The following PHF20 variants were observed in gnomAD, a reference collection of about 807,000 sequenced individuals.
PHF20 encodes the protein PHD finger protein 20.
PHF20 carries 23 observed loss-of-function variants against 113.5 expected under a neutral mutation model. The observed-to-expected ratio is 0.20, with a 90% CI of 0.15 to 0.29. The LOEUF is 0.29. Ranked by LOEUF, PHF20 falls within the 10% of genes least tolerant of loss-of-function variation. The pLI, the probability that PHF20 is intolerant of heterozygous loss-of-function variation, is 1.00. For missense variants in PHF20, 943 were observed against 1,219.6 expected, an observed-to-expected ratio of 0.77 and a Z score of 3.38; for synonymous variants, 434 against 457.3, an observed-to-expected ratio of 0.95 and a Z score of 0.65.
intron 2 of PHF20, among the ~76,000 whole-genome samples, chr20:35,807,887 TC>T (rs1340055701): frequency 6.6e-6 from 1 of 151,962 alleles, no homozygotes; most frequent in African/African-American, 2.4e-5. Flanking sequence ...TTTTAAGAGT[TC>T]TTATTTCTTA....
chr20:35,810,043 C>CTTCA (rs770738083), intron 2 of PHF20, among the ~76,000 whole-genome samples: 154 of 152,088 alleles, frequency 1.0e-3, no homozygotes, highest in Middle Eastern at 3.2e-3. Context: ...GATTCTTCTG[C>CTTCA]TTCAGCCTCC....
At chr20:35,906,247 A>G (rs2055198888) in intron 10 of PHF20, among the ~76,000 whole-genome samples, 1 of 152,202 alleles carries the variant, frequency 6.6e-6, no homozygotes, top group Non-Finnish European at 1.5e-5. Context: ...GCCTTATCGC[A>G]GGAACATGTC....
Position 35,872,354 on chromosome 20 carries a change from C to T in PHF20, c.1282+525C>T, listed in dbSNP as rs1317277929. Among the ~76,000 whole-genome samples, 4 of 152,074 alleles carry T rather than the reference C, an allele frequency of 2.6e-5. No homozygotes were observed. In the East Asian group the frequency reaches 7.7e-4, roughly 29 times the overall value. ...CCTGGCCAGCATGGTGAAACCCCGA[C>T]TCTACTAAAAATACAAAAATTAGCT... On this transcript the variant is annotated intron_variant, in intron 9 of 17. Transcript: ENST00000374012.
intron 10 of PHF20, 112 bp from the exon 11 acceptor site, chr20:35,913,137 C>T: frequency 2.9e-6 from 2 of 696,150 alleles, no homozygotes; most frequent in Non-Finnish European, 5.0e-6. Flanking sequence ...CAATCTGCTC[C>T]AGACTTCCCA....
At chr20:35,858,711 T>C (rs912358075) in intron 5 of PHF20, among the ~76,000 whole-genome samples, 1 of 152,156 alleles carries the variant, frequency 6.6e-6, no homozygotes, top group Non-Finnish European at 1.5e-5. Flanking sequence ...GCTGGGATTA[T>C]AGGCGCACGC....
chr20:35,804,035 C>T lies in PHF20; in HGVS notation c.83+2430C>T, dbSNP rs142729939. 1.7e-3 allele frequency among the ~76,000 whole-genome samples: 258 copies of T among 151,558 alleles called. 1 individual carries two copies. The highest frequency in any genetic ancestry group is 6.0e-3 in the African/African-American group (248 of 41,296). Reference sequence around the variant, plus strand: ...ATAGAGTTTTATTGTATGAATATACCACATTTTGTTTATCTAGTCCCCTAC... The same window carrying T: ...ATAGAGTTTTATTGTATGAATATACTACATTTTGTTTATCTAGTCCCCTAC... On this transcript the variant is annotated intron_variant, in intron 2 of 17. Transcript: ENST00000374012.
chr20:35,852,896 C>T (rs2042761926), intron 4 of PHF20, among the ~76,000 whole-genome samples: 1 of 151,484 alleles, frequency 6.6e-6, no homozygotes, highest in Non-Finnish European at 1.5e-5. Context: ...CGTGCCCGAC[C>T]TGACTAATCT....
At chr20:35,882,421 T>G (rs1481022645) in intron 9 of PHF20, among the ~76,000 whole-genome samples, 2 of 152,208 alleles carry the variant, frequency 1.3e-5, no homozygotes, top group East Asian at 1.9e-4. Context: ...TAATATTTAT[T>G]TATGTATTCA....
rs867618310 is a variant in PHF20 at position 35,886,368 on chromosome 20, C to T, written c.1283-13002C>T. ...CTTGAACTCTTGACCTCAAGTGATC[C>T]GCCTGCCTCACCCTCCCAAAGTGTT... On this transcript the variant is annotated intron_variant, in intron 9 of 17. Coordinates refer to ENST00000374012, the MANE Select transcript of PHF20 (RefSeq NM_016436.5). Among the ~76,000 whole-genome samples the T allele has an allele frequency of 4.6e-5, 7 of 151,950 alleles. No individual in the cohort carries two copies. In the South Asian group the frequency reaches 6.2e-4, roughly 14 times the overall value.
chr20:35,903,751 C>T (rs2055147471), intron 10 of PHF20, among the ~76,000 whole-genome samples: 2 of 152,138 alleles, frequency 1.3e-5, no homozygotes, highest in Non-Finnish European at 1.5e-5. Flanking sequence ...GCAAGAGCCT[C>T]GGTATTATCA....
At chr20:35,772,791 C>A (rs953068014) in intron 1 of PHF20, among the ~76,000 whole-genome samples, 5 of 152,106 alleles carry the variant, frequency 3.3e-5, no homozygotes, top group African/African-American at 1.2e-4. Flanking sequence ...GTCCTCAGAT[C>A]TGGGGTCCAT....
At chr20:35,850,643 A>T (rs1600824407) in intron 4 of PHF20, 1 of 107,208 alleles carries the variant, frequency 9.3e-6, no homozygotes. Flanking sequence ...GCTGTTTTTT[A>T]AACAATTCAT....
intron 9 of PHF20, among the ~76,000 whole-genome samples, chr20:35,873,001 G>C (rs993083615): frequency 4.0e-5 from 6 of 151,838 alleles, no homozygotes; most frequent in African/African-American, 1.5e-4. Flanking sequence ...AGGTTGTTAG[G>C]TTGTTAAAAT....
At chr20:35,938,257 T>C (rs919176430) in intron 15 of PHF20, among the ~76,000 whole-genome samples, 1 of 152,188 alleles carries the variant, frequency 6.6e-6, no homozygotes, top group Non-Finnish European at 1.5e-5. Context: ...CTTCCCATCA[T>C]GGCCTGAACT....
chr20:35,896,282 C>A (rs1317192426), intron 9 of PHF20, among the ~76,000 whole-genome samples: 2 of 152,066 alleles, frequency 1.3e-5, no homozygotes, highest in Admixed American at 6.6e-5. Context: ...AAAGGTTTAA[C>A]AGGCTACCTG....
At chr20:35,910,071 G>A (rs1249907375) in intron 10 of PHF20, among the ~76,000 whole-genome samples, 1 of 152,212 alleles carries the variant, frequency 6.6e-6, no homozygotes, top group Non-Finnish European at 1.5e-5. Flanking sequence ...CACCTGCTTT[G>A]TGGATATCTT....
At position 35,900,480 on chromosome 20, in the gene PHF20, C is replaced by T. The variant is rs1000643343; in HGVS notation, c.1561+832C>T. Among the ~76,000 whole-genome samples the T allele has an allele frequency of 3.9e-5, 6 of 152,082 alleles. 1 individual carries two copies. Among genetic ancestry groups the T allele is most frequent in the Non-Finnish European group, 7.4e-5 (5 of 68,010 alleles). ...CAGACTAAGGTGAACTCTGACCCTCCGAGGGGTCAACCTTCATTTATGCTG... is the reference window on the plus strand; with the variant it reads ...CAGACTAAGGTGAACTCTGACCCTCTGAGGGGTCAACCTTCATTTATGCTG... On this transcript the variant is annotated intron_variant, in intron 10 of 17. Transcript: ENST00000374012.
chr20:35,935,573 C>T (rs896669796), intron 15 of PHF20, among the ~76,000 whole-genome samples: 3 of 152,148 alleles, frequency 2.0e-5, no homozygotes, highest in African/African-American at 7.2e-5. Flanking sequence ...TGCCATGTTG[C>T]CCAGGGTGGT....
chr20:35,843,111 A>G (rs1011416194), intron 3 of PHF20, among the ~76,000 whole-genome samples: 1 of 151,602 alleles, frequency 6.6e-6, no homozygotes, highest in Non-Finnish European at 1.5e-5. Flanking sequence ...CATCTTGGCC[A>G]GGCTGGTCTC....
Sources: allele counts gnomAD v4.1 joint callset (sites outside exome capture counted in the v4.1 genomes callset), GRCh38; gene constraint gnomAD v4.1.1; transcripts MANE v1.5; gene names NCBI Gene and HGNC (gene_info 2026-07-23, HGNC 2026-07-21).